The following LZIC variants were observed in gnomAD, a reference collection of about 807,000 sequenced individuals.
LZIC encodes the protein protein LZIC.
Under a neutral mutation model 25.4 loss-of-function variants are expected in LZIC, and 28 were observed. The ratio of observed to expected loss-of-function variants is 1.10; its 90% confidence interval spans 0.82 to 1.51. The LOEUF (loss-of-function observed/expected upper bound fraction) is 1.51. Among genes scored for constraint, LZIC ranks in the 40% most tolerant of loss-of-function variants. The pLI is 0.00. For synonymous variants in LZIC, 65 were observed against 70.7 expected (o/e 0.92, Z 0.40); for missense variants, 170 against 211.1 (o/e 0.81, Z 1.21).
In LZIC at chr1:9,932,948, A is replaced by G. The variant is rs375568079; in HGVS notation, c.337-50T>C. The G allele has an allele frequency of 1.7e-5, 21 of 1,226,044 alleles. No individual in the cohort carries two copies. In the African/African-American group the frequency reaches 3.1e-4, roughly 18 times the overall value. The allele number at this position is 1,226,044 out of a possible 1,614,324, so 75.9% of individuals were successfully genotyped here. A position where few individuals can be genotyped will look rare whatever the true frequency, so the allele number is the denominator to read the frequency against. On this transcript the variant is annotated intron_variant, in intron 5 of 7. Coordinates refer to ENST00000377223, the MANE Select transcript of LZIC (RefSeq NM_032368.5). The stretch of plus-strand genomic sequence containing the variant: ...ATGTTACTTAAGTGAAAAACATTCC[A>G]TATACAAAATATAGCTTTTCAGGCC...
At position 9,943,295 on chromosome 1, in the gene LZIC, G is replaced by C. The variant is rs1184999518; in HGVS notation, c.-214C>G. 1.3e-5 allele frequency: 2 copies of C among 154,512 alleles called. No homozygotes were observed. Among genetic ancestry groups the C allele is most frequent in the African/African-American group, 4.8e-5 (2 of 41,476 alleles). The allele number at this position is 154,512 out of a possible 1,614,324, so 9.6% of individuals were successfully genotyped here. ...TCCTTAGGCCCCCGGGATTCCCCCTGTGCCGCCTGACCGCCCGCCAGTCCC... is the reference window on the plus strand; with the variant it reads ...TCCTTAGGCCCCCGGGATTCCCCCTCTGCCGCCTGACCGCCCGCCAGTCCC... On this transcript the variant is annotated 5_prime_UTR_variant, in exon 1 of 8. Transcript: ENST00000377223.
chr1:9,934,184 C>T lies in LZIC; in HGVS notation c.336+578G>A, dbSNP rs112013490. On this transcript the variant is annotated intron_variant, in intron 5 of 7. Transcript: ENST00000377223. ...CAGAGGTTGTACTGAACCGAGATTG[C>T]GCCACTGCCCTCCAGCCTGGGCAAC... Among the ~76,000 whole-genome samples, 740 of 151,058 alleles carry T rather than the reference C, an allele frequency of 4.9e-3. 11 individuals carry two copies. Among genetic ancestry groups the T allele is most frequent in the African/African-American group, 0.017 (691 of 41,146 alleles).
At chr1:9,940,238 G>A (rs1640649857) in intron 2 of LZIC, among the ~76,000 whole-genome samples, 1 of 150,586 alleles carries the variant, frequency 6.6e-6, no homozygotes, top group Non-Finnish European at 1.5e-5. Flanking sequence ...GTGCAGTGGA[G>A]CAATCTCAGC....
At chr1:9,940,153 A>T (rs1209015753) in intron 2 of LZIC, among the ~76,000 whole-genome samples, 2 of 149,882 alleles carry the variant, frequency 1.3e-5, no homozygotes, top group Non-Finnish European at 3.0e-5. Flanking sequence ...AAACCACAAA[A>T]CTTTCCAGGT....
chr1:9,939,640 CT>C (rs1279603447), intron 2 of LZIC, among the ~76,000 whole-genome samples: 3 of 150,734 alleles, frequency 2.0e-5, no homozygotes, highest in Non-Finnish European at 4.4e-5. Context: ...GCATGAGCCA[CT>C]GTGTCCAGCC....
Position 9,935,474 on chromosome 1 carries a change from C to A in LZIC, c.237+18G>T, listed in dbSNP as rs1246986774. 1 of 1,585,830 alleles carries A rather than the reference C, an allele frequency of 6.3e-7. No homozygotes were observed. The highest frequency in any genetic ancestry group is 1.9e-5 in the Admixed American group (1 of 51,798). ...AAAAAACAAAGTCTGTCCTCTGTCG[C>A]CTATATGTTATACTTACCAGCTGCA... On this transcript the variant is annotated intron_variant, in intron 4 of 7. Transcript: ENST00000377223.
chr1:9,932,913 T>G lies in LZIC; in HGVS notation c.337-15A>C. 1 of 1,512,602 alleles carries G rather than the reference T, an allele frequency of 6.6e-7. No individual in the cohort carries two copies. The highest frequency in any genetic ancestry group is 1.1e-5 in the South Asian group (1 of 88,484). 93.7% of individuals were successfully genotyped at this position (1,512,602 alleles called of 1,614,324 possible). A position where few individuals can be genotyped will look rare whatever the true frequency, so the allele number is the denominator to read the frequency against. ...TCTCTATCCATCTAAAACGTATGAA[T>G]GCAAGGCATATGTTACTTAAGTGAA... On this transcript the variant is annotated splice_polypyrimidine_tract_variant and intron_variant, in intron 5 of 7. Transcript: ENST00000377223.
intron 2 of LZIC, among the ~76,000 whole-genome samples, chr1:9,940,131 A>G (rs1443244340): frequency 6.6e-6 from 1 of 151,926 alleles, no homozygotes; most frequent in East Asian, 1.9e-4. Context: ...AAAAAAACAA[A>G]AAACAAAAAA....
chr1:9,943,357 A>ACTGGCCCGGGGCC lies in LZIC; in HGVS notation c.-277_-276insGGCCCCGGGCCAG, dbSNP rs1553123412. 1 of 152,822 alleles carries ACTGGCCCGGGGCC rather than the reference A, an allele frequency of 6.5e-6. No homozygotes were observed. The highest frequency in any genetic ancestry group is 1.5e-5 in the Non-Finnish European group (1 of 68,400). 9.5% of individuals were successfully genotyped at this position (152,822 alleles called of 1,614,324 possible). ...CCAGGGGCCCCGCCTACCTGAGGGC[A>ACTGGCCCGGGGCC]CTGGCCTGGCGGACCGCGCCGGGGG... On this transcript the variant is annotated 5_prime_UTR_variant, in exon 1 of 8. Transcript: ENST00000377223.
chr1:9,932,106 G>A (rs1318621404), intron 6 of LZIC, 134 bp from the exon 7 acceptor site: 3 of 81,012 alleles, frequency 3.7e-5, no homozygotes, highest in East Asian at 2.3e-4. Context: ...AGGCGTGGGG[G>A]GGGGGGGGGG....
At position 9,942,500 on chromosome 1, in the gene LZIC, G is replaced by A. The variant is rs151179660; in HGVS notation, c.-9+124C>T. 541 of 330,016 alleles carry A rather than the reference G, an allele frequency of 1.6e-3. 4 individuals are homozygous for A. The highest frequency in any genetic ancestry group is 0.014 in the East Asian group (182 of 13,126). The allele number at this position is 330,016 out of a possible 1,614,324, so 20.4% of individuals were successfully genotyped here. ...ACTACATTAGTTGAGATTTATCCCC[G>A]AAAGATTAACTCGTTGGCACCACCT... On this transcript the variant is annotated intron_variant, in intron 2 of 7. Coordinates refer to ENST00000377223, the MANE Select transcript of LZIC (RefSeq NM_032368.5).
chr1:9,932,044 G>A, intron 6 of LZIC, 72 bp from the exon 7 acceptor site: 2 of 1,052,970 alleles, frequency 1.9e-6, no homozygotes, highest in Non-Finnish European at 2.7e-6. Context: ...AGGTAAGAAT[G>A]TCTTAGGAGG....
At chr1:9,942,862 C>G in intron 1 of LZIC, 80 bp from the exon 2 acceptor site, 1 of 413,696 alleles carries the variant, frequency 2.4e-6, no homozygotes, top group Non-Finnish European at 4.7e-6. Flanking sequence ...ATAACTTCCA[C>G]TTGAGCAGCC....
chr1:9,929,506 A>G lies in LZIC; in HGVS notation c.*893T>C, dbSNP rs1190198201. 1 of 984,760 alleles carries G rather than the reference A, an allele frequency of 1.0e-6. No individual in the cohort carries two copies. The highest frequency in any genetic ancestry group is 1.2e-6 in the Non-Finnish European group (1 of 829,862). The allele number at this position is 984,760 out of a possible 1,614,324, so 61.0% of individuals were successfully genotyped here. On this transcript the variant is annotated 3_prime_UTR_variant, in exon 8 of 8. Coordinates refer to ENST00000377223, the MANE Select transcript of LZIC (RefSeq NM_032368.5). Reference sequence around the variant, plus strand: ...CTCCAAAACCTGAAGAGTAGATAACAGCTGACAGTTACCCCCCTCTGAGTG... The same window carrying G: ...CTCCAAAACCTGAAGAGTAGATAACGGCTGACAGTTACCCCCCTCTGAGTG...
intron 2 of LZIC, 65 bp downstream of exon 2, chr1:9,942,559 T>G (rs567283871): frequency 7.4e-5 from 58 of 782,600 alleles, no homozygotes; most frequent in Non-Finnish European, 1.0e-4. Context: ...TTTTCACTTT[T>G]ACGAAACTAC....
chr1:9,932,645 T>G (rs1303578471), intron 6 of LZIC, among the ~76,000 whole-genome samples, 158 bp downstream of exon 6: 1 of 139,196 alleles, frequency 7.2e-6, no homozygotes, highest in African/African-American at 2.7e-5. Context: ...ATCGCACCAT[T>G]GCACTCCAGC....
At chr1:9,942,992 G>C in intron 1 of LZIC, 1 of 344,366 alleles carries the variant, frequency 2.9e-6, no homozygotes, top group South Asian at 2.2e-5. Flanking sequence ...GACACGCCTT[G>C]AGGGATGGCG....
intron 5 of LZIC, among the ~76,000 whole-genome samples, chr1:9,934,075 A>T (rs1296103554): frequency 2.0e-5 from 3 of 151,872 alleles, no homozygotes; most frequent in African/African-American, 7.3e-5. Flanking sequence ...AAAATACAAA[A>T]ATTAGCCAGG....
intron 4 of LZIC, 114 bp downstream of exon 4, chr1:9,935,378 A>C: frequency 9.1e-7 from 1 of 1,102,012 alleles, no homozygotes; most frequent in Non-Finnish European, 1.3e-6. Context: ...CAGTGAGCCA[A>C]GACTGCCCCA....
Sources: allele counts gnomAD v4.1 joint callset (sites outside exome capture counted in the v4.1 genomes callset), GRCh38; gene constraint gnomAD v4.1.1; transcripts MANE v1.5; gene names NCBI Gene and HGNC (gene_info 2026-07-23, HGNC 2026-07-21).